MTMR14: variants seen among roughly 807,000 people sequenced by gnomAD.
The protein encoded by MTMR14 is myotubularin related protein 14.
MTMR14 carries 48 observed loss-of-function variants against 86.3 expected under a neutral mutation model. The ratio of observed to expected loss-of-function variants is 0.56; its 90% CI spans 0.44 to 0.71. MTMR14 has a LOEUF of 0.71. MTMR14 is among the 30% of genes least tolerant of loss of function. The probability of loss-of-function intolerance (pLI) is 0.00; values close to 1 mark genes in which losing one functional copy is unlikely to be tolerated. For missense variants in MTMR14, 780 were observed against 834.6 expected (o/e 0.93, Z 0.81); for synonymous variants, 366 against 326.1 (o/e 1.12, Z -1.32).
intron 9 of MTMR14, among the ~76,000 whole-genome samples, chr3:9,681,049 C>T (rs1281751350): frequency 6.6e-6 from 1 of 152,206 alleles, no homozygotes; most frequent in Non-Finnish European, 1.5e-5. Context: ...CTTTTAGTTG[C>T]ACACCTGCAG....
chr3:9,663,714 C>T (rs946248250), intron 3 of MTMR14, among the ~76,000 whole-genome samples: 7 of 150,810 alleles, frequency 4.6e-5, no homozygotes, highest in African/African-American at 1.5e-4. Flanking sequence ...GGGGCTTCAC[C>T]GTGTTAGCCA....
At chr3:9,684,716 T>G (rs1044460788) in intron 11 of MTMR14, 46 bp downstream of exon 11, 1 of 1,605,668 alleles carries the variant, frequency 6.2e-7, no homozygotes, top group South Asian at 1.1e-5. Context: ...TTGGGTGTGT[T>G]AGGATTGTCT....
intron 7 of MTMR14, among the ~76,000 whole-genome samples, chr3:9,673,191 G>T (rs373754654): frequency 6.6e-6 from 1 of 152,360 alleles, no homozygotes; most frequent in African/African-American, 2.4e-5. Flanking sequence ...CACCCTTTGG[G>T]TGCATGTCTT....
At chr3:9,659,245 A>G (rs567471250) in intron 2 of MTMR14, among the ~76,000 whole-genome samples, 5 of 152,242 alleles carry the variant, frequency 3.3e-5, no homozygotes, top group African/African-American at 9.6e-5. Flanking sequence ...AAACAACAAA[A>G]TCTCACTACC....
intron 17 of MTMR14, among the ~76,000 whole-genome samples, chr3:9,693,366 T>A (rs2076191236): frequency 6.6e-6 from 1 of 152,224 alleles, no homozygotes. Flanking sequence ...TACAAGTGAC[T>A]CTTGAACAAT....
At chr3:9,657,710 C>T (rs1006415331) in intron 2 of MTMR14, among the ~76,000 whole-genome samples, 4 of 152,126 alleles carry the variant, frequency 2.6e-5, no homozygotes, top group Non-Finnish European at 4.4e-5. Flanking sequence ...GCCACCATGC[C>T]CGGCCAATTT....
At chr3:9,684,073 C>T (rs1243637842) in intron 10 of MTMR14, among the ~76,000 whole-genome samples, 1 of 152,154 alleles carries the variant, frequency 6.6e-6, no homozygotes, top group Non-Finnish European at 1.5e-5. Context: ...TCTCTAGCTG[C>T]GGGCATTAGC....
At chr3:9,669,640 C>G (rs2048464390) in intron 5 of MTMR14, 148 bp downstream of exon 5, 3 of 809,266 alleles carry the variant, frequency 3.7e-6, no homozygotes, top group African/African-American at 1.8e-5. Flanking sequence ...AAGTCTGTGC[C>G]CCTGAAATAT....
intron 7 of MTMR14, chr3:9,675,686 G>A: frequency 2.2e-6 from 1 of 457,346 alleles, no homozygotes; most frequent in South Asian, 1.5e-5. Flanking sequence ...TGAACATTAG[G>A]CATTTGCCCT....
intron 1 of MTMR14, chr3:9,650,267 G>T (rs924383366): frequency 2.2e-6 from 1 of 455,716 alleles, no homozygotes; most frequent in Non-Finnish European, 4.4e-6. Context: ...CTCCCTTTCA[G>T]TTCCTTTATC....
intron 3 of MTMR14, 120 bp downstream of exon 3, chr3:9,662,495 G>C: frequency 1.2e-6 from 1 of 819,920 alleles, no homozygotes; most frequent in Non-Finnish European, 2.1e-6. Flanking sequence ...TGGTTACTGG[G>C]TGTTGTGGGA....
At chr3:9,654,110 GT>G (rs1559555527) in intron 2 of MTMR14, among the ~76,000 whole-genome samples, 1 of 152,114 alleles carries the variant, frequency 6.6e-6, no homozygotes, top group Non-Finnish European at 1.5e-5. Context: ...GCTTACCAGC[GT>G]TTACCGTATG....
chr3:9,701,564 G>GCT lies in MTMR14; in HGVS notation c.1770-223_1770-222dup, dbSNP rs2076459066. 3 of 602,136 alleles carry GCT rather than the reference G, an allele frequency of 5.0e-6. No homozygotes were observed. The highest frequency in any genetic ancestry group is 8.8e-6 in the Non-Finnish European group (3 of 339,930). The allele number at this position is 602,136 out of a possible 1,614,324, so 37.3% of individuals were successfully genotyped here. A position where few individuals can be genotyped will look rare whatever the true frequency, so the allele number is the denominator to read the frequency against. On this transcript the variant is annotated intron_variant, in intron 18 of 18. Transcript: ENST00000296003. This position sits in a 1 kb window ranked among gnomAD's most constrained non-coding sequence, Gnocchi z 4.2. ...GGTTAGTGTCCCAGTAAAAGCTCCT[G>GCT]CTCTAGGTGGGAACAGTAGCCTGAG...
intron 2 of MTMR14, among the ~76,000 whole-genome samples, chr3:9,659,225 G>T (rs1020477959): frequency 1.3e-5 from 2 of 152,052 alleles, no homozygotes; most frequent in East Asian, 3.9e-4. Context: ...GGAAGACCTT[G>T]TTGGGAAAAA....
Position 9,701,589 on chromosome 3 carries a change from G to C in MTMR14, c.1770-201G>C. 1.5e-6 allele frequency: 1 copy of C among 654,520 alleles called. No individual in the cohort carries two copies. The highest frequency in any genetic ancestry group is 2.7e-6 in the Non-Finnish European group (1 of 369,746). The allele number at this position is 654,520 out of a possible 1,614,324, so 40.5% of individuals were successfully genotyped here. ...GCTCTAGGTGGGAACAGTAGCCTGA[G>C]GGCTTAGAGGAATGGTTTAAGGGAA... is the stretch of plus-strand genomic sequence containing the variant. On this transcript the variant is annotated intron_variant, in intron 18 of 18. Coordinates refer to ENST00000296003, the MANE Select transcript of MTMR14 (RefSeq NM_001077525.3). The surrounding 1 kb of genome is among the most constrained non-coding windows in gnomAD (Gnocchi z 4.2).
chr3:9,674,169 T>G (rs951807965), intron 7 of MTMR14, among the ~76,000 whole-genome samples: 4 of 152,146 alleles, frequency 2.6e-5, no homozygotes, highest in African/African-American at 9.7e-5. Flanking sequence ...CATCACTTCG[T>G]TTAAATTTAG....
At position 9,677,392 on chromosome 3, in the gene MTMR14, G is replaced by A; in HGVS notation, c.822+5G>A. The A allele has an allele frequency of 6.2e-7, 1 of 1,612,958 alleles. No individual in the cohort carries two copies. Among genetic ancestry groups the A allele is most frequent in the Non-Finnish European group, 8.5e-7 (1 of 1,178,972 alleles). On this transcript the variant is annotated splice_donor_5th_base_variant and intron_variant, in intron 8 of 18. Transcript: ENST00000296003. The surrounding 1 kb of genome is among the most constrained non-coding windows in gnomAD (Gnocchi z 4.2). ...CTCATATTTAACTGGAAGCAGGTAT[G>A]AGCAATAACATACATCAAATTGGAT...
intron 2 of MTMR14, among the ~76,000 whole-genome samples, chr3:9,655,808 C>G (rs968531451): frequency 7.2e-5 from 11 of 151,962 alleles, no homozygotes; most frequent in Non-Finnish European, 1.6e-4. Flanking sequence ...TGCTGCAGGC[C>G]ATGGGGAGCC....
chr3:9,685,438 C>T (rs772445670), intron 13 of MTMR14, among the ~76,000 whole-genome samples, 191 bp downstream of exon 13: 9 of 152,234 alleles, frequency 5.9e-5, no homozygotes, highest in East Asian at 5.8e-4. Flanking sequence ...TTCTGGGCCT[C>T]GCGGGCCTGT....
Sources: gnomAD v4.1 joint callset for allele counts (sites outside exome capture counted in the v4.1 genomes callset) on GRCh38, gnomAD v4.1.1 for gene constraint, Gnocchi (gnomAD v3.1) non-coding constraint, MANE v1.5 for transcripts, NCBI Gene and HGNC (gene_info 2026-07-23, HGNC 2026-07-21) for gene names.